SPTA1: variants seen among roughly 807,000 people sequenced by gnomAD.
SPTA1 encodes spectrin alpha, erythrocytic 1.
Under a neutral mutation model 324.7 loss-of-function variants are expected in SPTA1, and 177 were observed. The ratio of observed to expected loss-of-function variants is 0.55; its 90% CI spans 0.48 to 0.62. The LOEUF (loss-of-function observed/expected upper bound fraction) is 0.62. Ranked by LOEUF, SPTA1 falls within the 20% of genes least tolerant of loss-of-function variation. The pLI, the probability that SPTA1 is intolerant of heterozygous loss-of-function variation, is 0.00. For synonymous variants in SPTA1, 1,195 were observed against 1,041.3 expected (o/e 1.15, Z -2.84); for missense variants, 3,162 against 2,883.6 (o/e 1.10, Z -2.21).
chr1:158,685,024 A>C, intron 2 of SPTA1, 84 bp downstream of exon 2: 1 of 1,537,140 alleles, frequency 6.5e-7, no homozygotes, highest in South Asian at 1.1e-5. Context: ...ACACATACCC[A>C]TTAACATTAA....
intron 18 of SPTA1, among the ~76,000 whole-genome samples, chr1:158,658,678 C>T (rs1244939245): frequency 6.6e-6 from 1 of 151,978 alleles, no homozygotes; most frequent in African/African-American, 2.4e-5. Context: ...AAGGAAAACT[C>T]CATCAAGTTA....
Position 158,612,863 on chromosome 1 carries a change from GC to G in SPTA1, c.7087del (p.Ala2363ProfsTer14). 6.2e-7 allele frequency: 1 copy of G among 1,613,946 alleles called. No homozygotes were observed. Among genetic ancestry groups the G allele is most frequent in the Non-Finnish European group, 8.5e-7 (1 of 1,179,894 alleles). Reference sequence around the variant, plus strand: ...AATATATGACTTGCCCTCTGCCAGGGCTTGGAAGGCATTCTCTATTTCATCA... The same window carrying G: ...AATATATGACTTGCCCTCTGCCAGGGTTGGAAGGCATTCTCTATTTCATCA... The part of the protein sequence containing the change: ...SSDEIENAFQ[A>X]LAEGKSYITK... On this transcript the variant is annotated frameshift_variant, in exon 51 of 52. Coordinates refer to ENST00000643759, the MANE Select transcript of SPTA1 (RefSeq NM_003126.4). LOFTEE classifies it high-confidence loss of function.
In SPTA1 at chr1:158,681,606, C is replaced by T. The variant is rs199725919; in HGVS notation, c.452G>A (p.Gly151Asp). The T allele has an allele frequency of 1.1e-4, 183 of 1,613,690 alleles. No homozygotes were observed. Among genetic ancestry groups the T allele is most frequent in the Middle Eastern group, 6.6e-4 (4 of 6,078 alleles). ...CTTCAGGGCCCGCAGCAACTGGTCA[C>T]CCTTCTCCAGGGTCAGCTCTAACAG... ...DLLLELTLEK[G>D]DQLLRALKFQ... Residue 151 changes from glycine to aspartate, a missense_variant, in exon 4 of 52, where the codon GGT becomes GAT. Coordinates refer to ENST00000643759, the MANE Select transcript of SPTA1 (RefSeq NM_003126.4).
intron 47 of SPTA1, among the ~76,000 whole-genome samples, chr1:158,617,101 A>G (rs1274459271): frequency 2.0e-5 from 3 of 152,198 alleles, no homozygotes; most frequent in East Asian, 3.8e-4. Context: ...AGTTGTCAAG[A>G]GATGATTAGA....
chr1:158,611,704 C>A, intron 51 of SPTA1: 1 of 287,398 alleles, frequency 3.5e-6, no homozygotes, highest in South Asian at 3.6e-5. Context: ...TGATCTATTT[C>A]ATCTTCCTGG....
At chr1:158,641,204 C>T (rs1197360724) in intron 33 of SPTA1, among the ~76,000 whole-genome samples, 2 of 152,102 alleles carry the variant, frequency 1.3e-5, no homozygotes, top group African/African-American at 2.4e-5. Flanking sequence ...ACCATAAAAA[C>T]CCTAGAAGAA....
At position 158,623,105 on chromosome 1, in the gene SPTA1, G is replaced by A. The variant is rs759206549; in HGVS notation, c.5998C>T (p.His2000Tyr). ...DLKDKLISAQ[H>Y]NQSKAIEERY... ...TCTTCAATGGCTTTAGACTGGTTGT[G>A]TTGAGCAGAAATCAGTTTGTCCTTC... Residue 2000 changes from histidine to tyrosine, a missense_variant, in exon 43 of 52, where the codon CAC (histidine) becomes TAC (tyrosine). By Grantham distance (83) the His-to-Tyr change is moderately conservative. Coordinates refer to ENST00000643759, the MANE Select transcript of SPTA1 (RefSeq NM_003126.4). The A allele has an allele frequency of 1.9e-6, 3 of 1,614,072 alleles. No individual in the cohort carries two copies. In the African/African-American group the frequency reaches 4.0e-5, roughly 22 times the overall value.
rs1186161801 is a variant in SPTA1, at chr1:158,620,323, G to A, written c.6264C>T (p.Phe2088=). Residue 2088 remains phenylalanine, a synonymous_variant, in exon 44 of 52, where the codon TTC becomes TTT. Transcript: ENST00000643759. ...CTTGAGCCCTAGCCAGGGAGGCCAA[G>A]AAGTCCTCATGGTCTTTCTGCAGCT... The part of the protein sequence containing the change: ...IRQLQKDHED[F]LASLARAQAD... The A allele has an allele frequency of 3.1e-6, 5 of 1,614,104 alleles. No individual in the cohort carries two copies. Among genetic ancestry groups the A allele is most frequent in the Non-Finnish European group, 4.2e-6 (5 of 1,180,036 alleles).
Position 158,664,719 on chromosome 1 carries a change from C to T in SPTA1, c.2220+1597G>A, listed in dbSNP as rs77650848. Among the ~76,000 whole-genome samples, 20 of 152,314 alleles carry T rather than the reference C, an allele frequency of 1.3e-4. No homozygotes were observed. The East Asian group carries it at 3.5e-3, about 26-fold the overall frequency. The stretch of plus-strand genomic sequence containing the variant: ...ATAAGGAAATAAAACTAAAATCCCT[C>T]AGTAGCCAACTGTTCTCATTTCTTA... On this transcript the variant is annotated intron_variant, in intron 16 of 51. Transcript: ENST00000643759.
chr1:158,651,343 A>C (rs1257702370), intron 24 of SPTA1, 24 bp downstream of exon 24: 1 of 1,517,656 alleles, frequency 6.6e-7, no homozygotes, highest in South Asian at 1.1e-5. Context: ...GGTAGTGAGG[A>C]GGAATGGAGG....
chr1:158,672,720 A>G (rs1345426456), intron 10 of SPTA1, among the ~76,000 whole-genome samples: 3 of 152,170 alleles, frequency 2.0e-5, no homozygotes, highest in African/African-American at 4.8e-5. Context: ...TCTCAAACAC[A>G]TGAAAAAGCC....
chr1:158,635,217 T>C (rs1215781451), intron 38 of SPTA1, among the ~76,000 whole-genome samples: 1 of 151,882 alleles, frequency 6.6e-6, no homozygotes. Context: ...TGGTGGGAGG[T>C]GATTGGATCA....
In SPTA1 at chr1:158,611,376, T is replaced by C; in HGVS notation, c.7148A>G (p.Glu2383Gly). 1 of 1,613,676 alleles carries C rather than the reference T, an allele frequency of 6.2e-7. No homozygotes were observed. The highest frequency in any genetic ancestry group is 8.5e-7 in the Non-Finnish European group (1 of 1,179,700). ...ATGTGTGGCACAGAATGACACTTGC[T>C]CTGGGGTAAGGGCCTGAAAAGTATA... ...KEDMKQALTP[E>G]QVSFCATHMQ... The change falls in exon 52 of 52, where the codon GAG becomes GGG. Residue 2383 changes from glutamate (E) to glycine (G), a missense_variant. Coordinates refer to ENST00000643759, the MANE Select transcript of SPTA1 (RefSeq NM_003126.4).
At position 158,677,932 on chromosome 1, in the gene SPTA1, C is replaced by A. The variant is rs1169165369; in HGVS notation, c.813-98G>T. 2.9e-5 allele frequency: 42 copies of A among 1,469,618 alleles called. No homozygotes were observed. The South Asian group carries it at 4.5e-4, about 16-fold the overall frequency. 91.0% of individuals were successfully genotyped at this position (1,469,618 alleles called of 1,614,324 possible). On this transcript the variant is annotated intron_variant, in intron 6 of 51. Transcript: ENST00000643759. ...ACAGCAAGGACCATCCTAGTTGACC[C>A]AGGAGCAATTATCCTTTCTTCCTAC... is the stretch of plus-strand genomic sequence containing the variant.
intron 47 of SPTA1, 62 bp downstream of exon 47, chr1:158,617,475 A>T: frequency 1.4e-6 from 2 of 1,438,046 alleles, no homozygotes; most frequent in Non-Finnish European, 2.0e-6. Flanking sequence ...CCCTTAGGTG[A>T]TTATTTTTAC....
chr1:158,640,894 C>A (rs1422909809), intron 33 of SPTA1, among the ~76,000 whole-genome samples: 3 of 152,154 alleles, frequency 2.0e-5, no homozygotes, highest in Admixed American at 2.0e-4. Flanking sequence ...CATCACGCTA[C>A]CTGACTTCAA....
chr1:158,669,408 C>A lies in SPTA1; in HGVS notation c.1833G>T (p.Lys611Asn), dbSNP rs1353835187. Residue 611 changes from lysine (K) to asparagine (N), a missense_variant and splice_region_variant, in exon 14 of 52, where the codon AAG becomes AAT. Lys to Asn is a moderately conservative substitution (Grantham distance 94). Transcript: ENST00000643759. ...TCCAGCTCCTGAAAACTCTGCCTACCTTGTAATCTTCATCATCTGCCAACT... is the reference window on the plus strand; with the variant it reads ...TCCAGCTCCTGAAAACTCTGCCTACATTGTAATCTTCATCATCTGCCAACT... The part of the protein sequence containing the change: ...KKKLADDEDY[K>N]DIQNLKSRVQ... 2 of 1,614,068 alleles carry A rather than the reference C, an allele frequency of 1.2e-6. No individual in the cohort carries two copies.
chr1:158,639,238 T>C, intron 35 of SPTA1: 1 of 289,652 alleles, frequency 3.5e-6, no homozygotes, highest in Non-Finnish European at 6.6e-6. Context: ...TTTTTGTTTG[T>C]AATTCTATAA....
chr1:158,671,912 C>A, intron 11 of SPTA1, 147 bp downstream of exon 11: 1 of 995,084 alleles, frequency 1.0e-6, no homozygotes, highest in South Asian at 1.4e-5. Context: ...AAGGGCCCAT[C>A]TTTTCTTTTT....
Sources: gnomAD v4.1 joint callset for allele counts (sites outside exome capture counted in the v4.1 genomes callset) on GRCh38, gnomAD v4.1.1 for gene constraint, MANE v1.5 for transcripts, NCBI Gene and HGNC (gene_info 2026-07-23, HGNC 2026-07-21) for gene names.